The following IQCM variants were observed in gnomAD, a reference collection of about 807,000 sequenced individuals.
IQCM encodes the protein IQ domain-containing protein M.
A neutral mutation model predicts 57.6 loss-of-function variants in IQCM; 45 were observed. That is an observed-to-expected ratio of 0.78 (90% CI 0.62 to 1.00). IQCM has a LOEUF of 1.00. Ranked by LOEUF, IQCM falls within the 50% of genes least tolerant of loss-of-function variation. The probability of loss-of-function intolerance (pLI) is 0.00; values close to 1 mark genes in which losing one functional copy is unlikely to be tolerated. For synonymous variants in IQCM, 148 were observed against 158.9 expected (o/e 0.93, Z 0.51); for missense variants, 468 against 511.6 (o/e 0.91, Z 0.82).
rs541571819 is a variant in IQCM at position 149,391,376 on chromosome 4, T to G, written c.1391-39310A>C. 1.0e-3 allele frequency among the ~76,000 whole-genome samples: 152 copies of G among 152,028 alleles called. 1 individual carries two copies. Among genetic ancestry groups the G allele is most frequent in the African/African-American group, 3.4e-3 (142 of 41,542 alleles). On this transcript the variant is annotated intron_variant, in intron 13 of 13. Coordinates refer to ENST00000636793, the MANE Select transcript of IQCM (RefSeq NM_001363507.2). ...ATTCTTGAATTTAGTAATTTGAGTCTTTTTTTCTTTGTCTGTCTAACTAAA... is the reference window on the plus strand; with the variant it reads ...ATTCTTGAATTTAGTAATTTGAGTCGTTTTTTCTTTGTCTGTCTAACTAAA...
intron 8 of IQCM, among the ~76,000 whole-genome samples, chr4:149,619,805 G>T (rs193217917): frequency 6.6e-6 from 1 of 152,248 alleles, no homozygotes; most frequent in Admixed American, 6.5e-5. Context: ...AAGATTAAAT[G>T]AGGTCATAAG....
chr4:149,535,677 A>G (rs1244762111), intron 12 of IQCM, among the ~76,000 whole-genome samples: 3 of 152,240 alleles, frequency 2.0e-5, no homozygotes, highest in East Asian at 3.9e-4. Flanking sequence ...GTAATATTAC[A>G]GAATTTAATC....
chr4:149,801,507 T>A (rs965717002), intron 2 of IQCM, among the ~76,000 whole-genome samples: 6 of 151,964 alleles, frequency 3.9e-5, no homozygotes, highest in Non-Finnish European at 8.8e-5. Context: ...CTATCAACAG[T>A]TGAATGGATA....
intron 13 of IQCM, among the ~76,000 whole-genome samples, chr4:149,367,616 A>C (rs574311198): frequency 6.1e-4 from 93 of 152,162 alleles, no homozygotes; most frequent in African/African-American, 2.0e-3. Flanking sequence ...ATAATGCTAC[A>C]ATAAGCATGC....
chr4:149,386,881 T>C (rs1445581719), intron 13 of IQCM, among the ~76,000 whole-genome samples: 2 of 151,932 alleles, frequency 1.3e-5, no homozygotes, highest in Admixed American at 1.3e-4. Flanking sequence ...GCTCAAAAGG[T>C]TTTAATAGGT....
intron 13 of IQCM, among the ~76,000 whole-genome samples, chr4:149,409,849 C>T (rs552660011): frequency 2.6e-4 from 40 of 152,180 alleles, no homozygotes; most frequent in Non-Finnish European, 5.0e-4. Context: ...CTCCTGCCAG[C>T]TGGCCTTATT....
intron 7 of IQCM, among the ~76,000 whole-genome samples, chr4:149,637,041 G>A (rs1757780718): frequency 6.6e-6 from 1 of 151,234 alleles, no homozygotes; most frequent in Non-Finnish European, 1.5e-5. Context: ...TACTCGGGAG[G>A]CTGAGGCAGG....
chr4:149,681,302 C>T (rs1762158607), intron 7 of IQCM, among the ~76,000 whole-genome samples: 2 of 151,146 alleles, frequency 1.3e-5, no homozygotes, highest in Non-Finnish European at 3.0e-5. Context: ...CTAATAAAGC[C>T]TTAAAAGAAT....
chr4:149,737,619 G>T (rs1025322124), intron 3 of IQCM: 2 of 152,186 alleles, frequency 1.3e-5, no homozygotes, highest in African/African-American at 4.8e-5. Flanking sequence ...TTACCTTAGG[G>T]TAATGAGGTC....
intron 8 of IQCM, among the ~76,000 whole-genome samples, chr4:149,612,932 T>C (rs1755433677): frequency 6.6e-6 from 1 of 151,968 alleles, no homozygotes; most frequent in Non-Finnish European, 1.5e-5. Flanking sequence ...AAAAAAATCA[T>C]AGTCACTTAC....
chr4:149,429,245 T>C (rs1158260161), intron 13 of IQCM, among the ~76,000 whole-genome samples: 1 of 151,806 alleles, frequency 6.6e-6, no homozygotes, highest in Non-Finnish European at 1.5e-5. Flanking sequence ...GGACAGACAG[T>C]GCATAAGGAA....
At position 149,392,308 on chromosome 4, in the gene IQCM, A is replaced by T. The variant is rs181459001; in HGVS notation, c.1391-40242T>A. On this transcript the variant is annotated intron_variant, in intron 13 of 13. Transcript: ENST00000636793. ...AAAAATAAACGGAGATACATAAGCA[A>T]GAAGGTTGAAGATAAAGCAATACAT... 1.4e-3 allele frequency among the ~76,000 whole-genome samples: 217 copies of T among 152,152 alleles called. 2 individuals carry two copies. Among genetic ancestry groups the T allele is most frequent in the Admixed American group, 3.4e-3 (52 of 15,262 alleles).
At chr4:149,449,390 T>G (rs992156065) in intron 12 of IQCM, among the ~76,000 whole-genome samples, 3 of 145,710 alleles carry the variant, frequency 2.1e-5, no homozygotes, top group Non-Finnish European at 4.5e-5. Context: ...ATATATATAA[T>G]ATATATATTT....
At chr4:149,385,327 G>A (rs1731346385) in intron 13 of IQCM, among the ~76,000 whole-genome samples, 1 of 152,024 alleles carries the variant, frequency 6.6e-6, no homozygotes, top group Non-Finnish European at 1.5e-5. Flanking sequence ...CGAGTACAAG[G>A]AAGAGGTTAT....
At chr4:149,740,116 G>T (rs1458365092) in intron 3 of IQCM, among the ~76,000 whole-genome samples, 2 of 152,162 alleles carry the variant, frequency 1.3e-5, no homozygotes, top group Non-Finnish European at 2.9e-5. Context: ...ATACTCAGAG[G>T]GTTTACATCC....
chr4:149,573,769 CAAA>C (rs11289641), intron 9 of IQCM, among the ~76,000 whole-genome samples: 1 of 139,966 alleles, frequency 7.1e-6, no homozygotes, highest in Non-Finnish European at 1.6e-5. Context: ...GACCCTGGCT[CAAA>C]AAAAAAAAAA....
intron 7 of IQCM, among the ~76,000 whole-genome samples, chr4:149,667,351 AG>A (rs36029108): frequency 8.5e-5 from 13 of 152,290 alleles, no homozygotes; most frequent in Admixed American, 8.5e-4. Context: ...GACTGTTAAA[AG>A]GAAAACTAAC....
At chr4:149,371,595 C>T (rs903498856) in intron 13 of IQCM, among the ~76,000 whole-genome samples, 1 of 152,174 alleles carries the variant, frequency 6.6e-6, no homozygotes, top group South Asian at 2.1e-4. Flanking sequence ...CTAGCAAGAA[C>T]TGATATGGAC....
At chr4:149,517,216 T>G (rs1314443981) in intron 12 of IQCM, among the ~76,000 whole-genome samples, 1 of 151,640 alleles carries the variant, frequency 6.6e-6, no homozygotes, top group Non-Finnish European at 1.5e-5. Flanking sequence ...CAGTTCCAGC[T>G]ATGACCATGT....
Sources: gnomAD v4.1 joint callset for allele counts (sites outside exome capture counted in the v4.1 genomes callset) on GRCh38, gnomAD v4.1.1 for gene constraint, MANE v1.5 for transcripts, NCBI Gene and HGNC (gene_info 2026-07-23, HGNC 2026-07-21) for gene names.